PLEKHA1: variants seen among roughly 807,000 people sequenced by gnomAD.
PLEKHA1 encodes the protein pleckstrin homology domain containing A1.
A neutral mutation model predicts 52.0 loss-of-function variants in PLEKHA1; 34 were observed. The observed-to-expected ratio is 0.65, with a 90% CI of 0.50 to 0.87. The LOEUF is 0.87. Among genes scored for constraint, PLEKHA1 ranks in the 40% least tolerant of loss-of-function variants. PLEKHA1 has a pLI of 0.00. For missense variants in PLEKHA1, 497 were observed against 504.2 expected (o/e 0.99, Z 0.14); for synonymous variants, 163 against 170.7 (o/e 0.95, Z 0.35).
intron 1 of PLEKHA1, among the ~76,000 whole-genome samples, chr10:122,390,982 A>C (rs1177731496): frequency 6.6e-6 from 1 of 152,084 alleles, no homozygotes; most frequent in African/African-American, 2.4e-5. Flanking sequence ...TTTTAATTAT[A>C]GCCATCCTAG....
At chr10:122,435,344 TAC>T (rs2097434121), downstream of PLEKHA1, 1 of 152,236 alleles carries the variant, frequency 6.6e-6, no homozygotes, top group African/African-American at 2.4e-5. Context: ...GGCTAGCATT[TAC>T]AGTTTTGATT....
At chr10:122,375,478 G>A (rs1286844705) in intron 1 of PLEKHA1, among the ~76,000 whole-genome samples, 1 of 149,282 alleles carries the variant, frequency 6.7e-6, no homozygotes, top group Non-Finnish European at 1.5e-5. Context: ...GGTGGCACCG[G>A]GGAGGCGACC....
Position 122,429,793 on chromosome 10 carries a change from A to G in PLEKHA1, c.1070A>G (p.Lys357Arg), listed in dbSNP as rs1202757950. 6.8e-6 allele frequency: 11 copies of G among 1,614,070 alleles called. No homozygotes were observed. The highest frequency in any genetic ancestry group is 9.3e-6 in the Non-Finnish European group (11 of 1,180,040). Residue 357 changes from lysine (K) to arginine (R), a missense_variant, in exon 12 of 12, where the codon AAG becomes AGG. Physicochemically the swap from Lys to Arg is conservative, Grantham distance 26. Transcript: ENST00000368990. ...GCCAAGGTCAAGCCAGGGAACTTCA[A>G]GGTCCAGACTGTCTCTCCAAGAGAA... Reference protein sequence around the residue: ...SLAKVKPGNFKVQTVSPREPA... With the variant: ...SLAKVKPGNFRVQTVSPREPA...
At chr10:122,384,608 CAAAA>C (rs59343401) in intron 1 of PLEKHA1, among the ~76,000 whole-genome samples, 12 of 118,976 alleles carry the variant, frequency 1.0e-4, no homozygotes, top group Middle Eastern at 4.5e-3. Context: ...GACTCTGTCT[CAAAA>C]AAAAAAAAAA....
At chr10:122,429,492 CTTTGTGTG>C in intron 11 of PLEKHA1, 124 bp from the exon 12 acceptor site, 1 of 725,362 alleles carries the variant, frequency 1.4e-6, no homozygotes, top group Admixed American at 3.6e-5. Flanking sequence ...CTGCTGCTGC[CTTTGTGTG>C]TGTGTGTGTG....
chr10:122,436,780 G>T (rs2097439409), downstream of PLEKHA1: 1 of 152,146 alleles, frequency 6.6e-6, no homozygotes, highest in Non-Finnish European at 1.5e-5. Flanking sequence ...AGAGAAAAAG[G>T]TACTTCTAAG....
At position 122,424,171 on chromosome 10, in the gene PLEKHA1, G is replaced by GTTTTT. The variant is rs34058512; in HGVS notation, c.682-10_682-6dup. ...TTTTAAGAATAAACATCATGTAACT[G>GTTTTT]TTTTTTTTTTTTTTTTTTTTTTGCC... On this transcript the variant is annotated intron_variant, in intron 8 of 11. Coordinates refer to ENST00000368990, the MANE Select transcript of PLEKHA1 (RefSeq NM_001001974.4). 9.7e-4 allele frequency: 923 copies of GTTTTT among 953,992 alleles called. 3 individuals are homozygous for GTTTTT. Among genetic ancestry groups the GTTTTT allele is most frequent in the South Asian group, 3.1e-3 (151 of 48,060 alleles). 59.1% of individuals were successfully genotyped at this position (953,992 alleles called of 1,614,324 possible).
intron 3 of PLEKHA1, among the ~76,000 whole-genome samples, chr10:122,398,215 A>G (rs1201613256): frequency 1.3e-5 from 2 of 152,162 alleles, no homozygotes; most frequent in African/African-American, 2.4e-5. Context: ...TTTTATGATC[A>G]GGTATATGAA....
At chr10:122,391,347 T>C (rs1462031146) in intron 1 of PLEKHA1, among the ~76,000 whole-genome samples, 2 of 152,198 alleles carry the variant, frequency 1.3e-5, no homozygotes, top group African/African-American at 4.8e-5. Context: ...AAGAATTCAT[T>C]GCCAATTCCA....
the PLEKHA1 span, chr10:122,438,964 G>A: frequency 6.6e-6 from 1 of 152,300 alleles, no homozygotes; most frequent in Middle Eastern, 3.4e-3. Context: ...GGCCACATGC[G>A]GCCCGTGGGC....
At chr10:122,403,984 G>A (rs972160431) in intron 4 of PLEKHA1, among the ~76,000 whole-genome samples, 1 of 152,138 alleles carries the variant, frequency 6.6e-6, no homozygotes, top group Admixed American at 6.5e-5. Flanking sequence ...GAGCCACTGT[G>A]CCCTGCTTTA....
In PLEKHA1 at chr10:122,430,382, CA is replaced by C. The variant is rs1158562799; in HGVS notation, c.*445del. 6.4e-6 allele frequency: 1 copy of C among 156,346 alleles called. No homozygotes were observed. The highest frequency in any genetic ancestry group is 1.4e-5 in the Non-Finnish European group (1 of 70,682). The allele number at this position is 156,346 out of a possible 1,614,324, so 9.7% of individuals were successfully genotyped here. A position where few individuals can be genotyped will look rare whatever the true frequency, so the allele number is the denominator to read the frequency against. On this transcript the variant is annotated 3_prime_UTR_variant, in exon 12 of 12. Transcript: ENST00000368990. ...TTGATATTACCACATGAAATATTGC[CA>C]GACCAAGATACCTAAACTCATGATG...
chr10:122,424,368 A>G, intron 9 of PLEKHA1, 105 bp downstream of exon 9: 5 of 1,288,928 alleles, frequency 3.9e-6, no homozygotes, highest in Non-Finnish European at 5.2e-6. Context: ...TATTAATTGT[A>G]GTTATTTTTA....
chr10:122,407,114 A>C (rs1407689703), intron 5 of PLEKHA1, among the ~76,000 whole-genome samples: 1 of 151,858 alleles, frequency 6.6e-6, no homozygotes, highest in Non-Finnish European at 1.5e-5. Flanking sequence ...GGACAAGGGG[A>C]GATGAAGGCT....
At chr10:122,383,339 A>C (rs1438776098) in intron 1 of PLEKHA1, among the ~76,000 whole-genome samples, 1 of 58,944 alleles carries the variant, frequency 1.7e-5, no homozygotes, top group East Asian at 3.3e-4. Flanking sequence ...TTTTTTTTTT[A>C]GAATGGGTCT....
intron 1 of PLEKHA1, among the ~76,000 whole-genome samples, chr10:122,377,594 A>G (rs985315368): frequency 1.3e-5 from 2 of 152,174 alleles, no homozygotes; most frequent in African/African-American, 2.4e-5. Flanking sequence ...ATTGTTTATA[A>G]TGCTTAATTA....
chr10:122,380,661 A>G (rs2096602116), intron 1 of PLEKHA1, among the ~76,000 whole-genome samples: 1 of 152,144 alleles, frequency 6.6e-6, no homozygotes, highest in African/African-American at 2.4e-5. Flanking sequence ...ACTTTGAGTG[A>G]GATGGGATCC....
At chr10:122,401,015 C>T (rs1176844885) in intron 4 of PLEKHA1, among the ~76,000 whole-genome samples, 1 of 152,190 alleles carries the variant, frequency 6.6e-6, no homozygotes, top group Non-Finnish European at 1.5e-5. Flanking sequence ...TTGGGGAGCT[C>T]AGGAGTCGGG....
At chr10:122,397,996 A>C in intron 3 of PLEKHA1, 22 bp downstream of exon 3, 1 of 1,580,578 alleles carries the variant, frequency 6.3e-7, no homozygotes, top group South Asian at 1.1e-5. Flanking sequence ...ACATTGTCTT[A>C]TACTCGTGTG....
Sources: allele counts gnomAD v4.1 joint callset (sites outside exome capture counted in the v4.1 genomes callset), GRCh38; gene constraint gnomAD v4.1.1; transcripts MANE v1.5; gene names NCBI Gene and HGNC (gene_info 2026-07-23, HGNC 2026-07-21).